Variants in KANK1 observed in about 807,000 individuals in gnomAD.
KANK1 encodes the protein KN motif and ankyrin repeat domains 1.
KANK1 carries 109 observed loss-of-function variants against 106.2 expected under a neutral mutation model. The observed-to-expected ratio is 1.03, with a 90% CI of 0.88 to 1.20. The LOEUF (loss-of-function observed/expected upper bound fraction) is 1.20, where lower values mean the gene tolerates loss of function less well. Ranked by LOEUF, KANK1 falls within the 50% of genes most tolerant of loss-of-function variation. The probability of loss-of-function intolerance (pLI) is 0.00; values close to 1 mark genes in which losing one functional copy is unlikely to be tolerated. For synonymous variants in KANK1, 873 were observed against 652.2 expected, an observed-to-expected ratio of 1.34 and a Z score of -5.16; for missense variants, 2,399 against 1,710.7, an observed-to-expected ratio of 1.40 and a Z score of -7.10.
chr9:597,035 G>C (rs2135725289), intron 1 of KANK1, among the ~76,000 whole-genome samples: 1 of 151,954 alleles, frequency 6.6e-6, no homozygotes, highest in South Asian at 2.1e-4. Context: ...CTTTCACTTA[G>C]TATATTCATC....
chr9:712,069 A>G lies in KANK1; in HGVS notation c.1303A>G (p.Asn435Asp). The G allele has an allele frequency of 6.2e-7, 1 of 1,614,128 alleles. No homozygotes were observed. Among genetic ancestry groups the G allele is most frequent in the Non-Finnish European group, 8.5e-7 (1 of 1,180,016 alleles). ...AAVGTLVEMR[N>D]CGVSVTEAML... ...TGTAGGGACACTTGTTGAGATGAGA[A>G]ATTGTGGGGTCAGCGTGACAGAGGC... The change falls in exon 3 of 12, where the codon AAT (asparagine) becomes GAT (aspartate). Residue 435 changes from asparagine to aspartate, a missense_variant. Asn to Asp is a conservative substitution (Grantham distance 23, BLOSUM62 1). Transcript: ENST00000382297.
chr9:536,724 G>A (rs2060319969), intron 1 of KANK1, among the ~76,000 whole-genome samples: 1 of 152,122 alleles, frequency 6.6e-6, no homozygotes, highest in South Asian at 2.1e-4. Context: ...TAATCTTAAT[G>A]CCGTCTGCAC....
chr9:555,544 T>G (rs1343139013), intron 1 of KANK1, among the ~76,000 whole-genome samples: 8 of 152,240 alleles, frequency 5.3e-5, no homozygotes, highest in Non-Finnish European at 1.2e-4. Flanking sequence ...GGGATTATCC[T>G]TTTTCTGGAA....
intron 1 of KANK1, among the ~76,000 whole-genome samples, chr9:581,132 C>T (rs979527900): frequency 6.6e-6 from 1 of 152,180 alleles, no homozygotes; most frequent in Non-Finnish European, 1.5e-5. Flanking sequence ...TTGTGTGCAG[C>T]CCCAGTTCCC....
chr9:575,551 G>T (rs1454960177), intron 1 of KANK1, among the ~76,000 whole-genome samples: 2 of 150,588 alleles, frequency 1.3e-5, no homozygotes, highest in Non-Finnish European at 2.9e-5. Context: ...GCACACCTGT[G>T]TTCCAGCTGC....
At chr9:721,012 C>G (rs994938321) in intron 3 of KANK1, among the ~76,000 whole-genome samples, 2 of 152,146 alleles carry the variant, frequency 1.3e-5, no homozygotes, top group African/African-American at 4.8e-5. Context: ...CAGTGGATCT[C>G]AATCCTGGCA....
At chr9:645,762 G>A (rs1414832097) in intron 1 of KANK1, among the ~76,000 whole-genome samples, 1 of 150,572 alleles carries the variant, frequency 6.6e-6, no homozygotes, top group South Asian at 2.1e-4. Context: ...GCATGCACCT[G>A]TAATCCTGAC....
intron 1 of KANK1, among the ~76,000 whole-genome samples, chr9:631,084 T>C (rs1312468706): frequency 2.0e-5 from 3 of 152,174 alleles, no homozygotes; most frequent in Admixed American, 6.5e-5. Context: ...AGGAGTGATA[T>C]GTGTCTTTTG....
At chr9:578,818 C>T (rs1256787307) in intron 1 of KANK1, among the ~76,000 whole-genome samples, 1 of 152,102 alleles carries the variant, frequency 6.6e-6, no homozygotes, top group Non-Finnish European at 1.5e-5. Flanking sequence ...TCATTTTCTC[C>T]CACCTCTGTA....
At chr9:743,805 T>C (rs1478397569) in intron 10 of KANK1, among the ~76,000 whole-genome samples, 1 of 152,220 alleles carries the variant, frequency 6.6e-6, no homozygotes, top group African/African-American at 2.4e-5. Context: ...AAGGCTACCG[T>C]GATCTGTGAT....
intron 1 of KANK1, among the ~76,000 whole-genome samples, chr9:668,931 C>G (rs914124518): frequency 6.6e-6 from 1 of 152,136 alleles, no homozygotes; most frequent in Admixed American, 6.6e-5. Context: ...AGAATCTATG[C>G]TGCTAATGAT....
intron 1 of KANK1, among the ~76,000 whole-genome samples, chr9:523,768 A>G (rs2059656468): frequency 6.7e-6 from 1 of 149,890 alleles, no homozygotes; most frequent in Non-Finnish European, 1.5e-5. Flanking sequence ...CAGAGTTATA[A>G]CCTGTCTTCT....
At chr9:486,726 C>T (rs952475835) in intron 3 of KANK1, among the ~76,000 whole-genome samples, 3 of 152,014 alleles carry the variant, frequency 2.0e-5, no homozygotes, top group African/African-American at 4.8e-5. Flanking sequence ...CTTATATTTC[C>T]GTCATTATAA....
chr9:604,918 A>T (rs1001802131), intron 1 of KANK1, among the ~76,000 whole-genome samples: 5 of 151,950 alleles, frequency 3.3e-5, no homozygotes, highest in African/African-American at 7.3e-5. Flanking sequence ...TAAATTGCTC[A>T]GTCTCAGGTA....
intron 7 of KANK1, among the ~76,000 whole-genome samples, chr9:735,545 T>G (rs1332899089): frequency 6.6e-6 from 1 of 152,224 alleles, no homozygotes; most frequent in African/African-American, 2.4e-5. Context: ...ACAGCTGTCT[T>G]TTTTATTAGT....
intron 6 of KANK1, chr9:734,188 C>T (rs1179591965): frequency 6.7e-6 from 1 of 149,802 alleles, no homozygotes; most frequent in African/African-American, 2.5e-5. Flanking sequence ...TCATAAAGGC[C>T]AATTGGTGAA....
chr9:515,405 T>C (rs956218812), intron 1 of KANK1, among the ~76,000 whole-genome samples: 1 of 150,400 alleles, frequency 6.6e-6, no homozygotes, highest in Non-Finnish European at 1.5e-5. Context: ...TTGTATCAGT[T>C]CTTTAACCAC....
intron 1 of KANK1, among the ~76,000 whole-genome samples, chr9:625,181 T>A (rs1834060505): frequency 6.6e-6 from 1 of 152,202 alleles, no homozygotes; most frequent in Non-Finnish European, 1.5e-5. Context: ...GAGCCAGATT[T>A]CCTCATGGAG....
At chr9:513,679 A>AT (rs1399149998) in intron 1 of KANK1, among the ~76,000 whole-genome samples, 5 of 152,118 alleles carry the variant, frequency 3.3e-5, no homozygotes, top group South Asian at 2.1e-4. Context: ...TTTTGGCTAA[A>AT]TTTTTTCAGA....
Sources: allele counts gnomAD v4.1 joint callset (sites outside exome capture counted in the v4.1 genomes callset), GRCh38; gene constraint gnomAD v4.1.1; transcripts MANE v1.5; gene names NCBI Gene and HGNC (gene_info 2026-07-23, HGNC 2026-07-21).